Variants in ABCA13 observed in about 807,000 individuals in gnomAD.
The protein encoded by ABCA13 is ATP binding cassette subfamily A member 13.
In ABCA13, 476 loss-of-function variants were observed where a neutral mutation model predicts 478.7. The observed-to-expected ratio is 0.99, with a 90% CI of 0.92 to 1.07. The LOEUF (loss-of-function observed/expected upper bound fraction) is 1.07, where lower values mean the gene tolerates loss of function less well. Among genes scored for constraint, ABCA13 ranks in the 50% least tolerant of loss-of-function variants. The probability of loss-of-function intolerance (pLI) is 0.00; values close to 1 mark genes in which losing one functional copy is unlikely to be tolerated. For missense variants in ABCA13, 6,060 were observed against 5,910.6 expected (o/e 1.03, Z -0.83); for synonymous variants, 2,252 against 2,158.9 (o/e 1.04, Z -1.20).
intron 36 of ABCA13, 55 bp downstream of exon 36, chr7:48,388,014 ATTT>A (rs201346706): frequency 2.5e-5 from 38 of 1,546,710 alleles, no homozygotes; most frequent in Non-Finnish European, 3.1e-5. Flanking sequence ...ATCCATTTTG[ATTT>A]TTTTTTGTTT....
At chr7:48,474,299 A>G (rs1360577991) in intron 45 of ABCA13, among the ~76,000 whole-genome samples, 2 of 152,098 alleles carry the variant, frequency 1.3e-5, no homozygotes, top group African/African-American at 2.4e-5. Flanking sequence ...GAAGGAGGAG[A>G]TGGGAAATGT....
At chr7:48,437,040 T>C (rs754586326) in intron 42 of ABCA13, among the ~76,000 whole-genome samples, 88 of 152,110 alleles carry the variant, frequency 5.8e-4, no homozygotes, top group Admixed American at 1.8e-3. Flanking sequence ...CGTACAATAG[T>C]TCTATAGTGT....
At chr7:48,304,975 C>A (rs1800689935) in intron 23 of ABCA13, among the ~76,000 whole-genome samples, 1 of 152,188 alleles carries the variant, frequency 6.6e-6, no homozygotes, top group Admixed American at 6.5e-5. Flanking sequence ...TAAGTGTAAT[C>A]ATCATCCTTA....
rs1429666982 is a variant in ABCA13, at chr7:48,372,390, A to T, written c.11026A>T (p.Asn3676Tyr). The change falls in exon 33 of 62, where the codon AAT (asparagine) becomes TAT (tyrosine). Residue 3676 changes from asparagine to tyrosine, a missense_variant. Coordinates refer to ENST00000435803, the MANE Select transcript of ABCA13 (RefSeq NM_152701.5). ...CTTGAGTGCATTTTTCAGCCAAGCT[A>T]ATACAGCGGCCCTTTGTACCAGCCT... ...YLLSAFFSQA[N>Y]TAALCTSLVY... 1.2e-6 allele frequency: 2 copies of T among 1,613,828 alleles called. No individual in the cohort carries two copies. The highest frequency in any genetic ancestry group is 4.5e-5 in the East Asian group (2 of 44,892).
chr7:48,251,556 TTGGACAG>T (rs1243622111), intron 15 of ABCA13, among the ~76,000 whole-genome samples: 4 of 152,150 alleles, frequency 2.6e-5, no homozygotes, highest in Admixed American at 1.3e-4. Flanking sequence ...TCTACTTTCT[TTGGACAG>T]ACCCTTGCTG....
At position 48,275,347 on chromosome 7, in the gene ABCA13, T is replaced by G. The variant is rs1360666231; in HGVS notation, c.5681T>G (p.Val1894Gly). 3 of 1,613,840 alleles carry G rather than the reference T, an allele frequency of 1.9e-6. No individual in the cohort carries two copies. Among genetic ancestry groups the G allele is most frequent in the Non-Finnish European group, 2.5e-6 (3 of 1,179,874 alleles). ...GTGGTCTGCATAATTCATGAATTAG[T>G]GGACTGGAATTCTATTCTTCTGGAG... ...RKVVCIIHEL[V>G]DWNSILLELS... The change falls in exon 17 of 62, where the codon GTG becomes GGG. Residue 1894 changes from valine (V) to glycine (G), a missense_variant. Physicochemically the swap from Val to Gly is moderately radical, Grantham distance 109. This residue lies in a region of ABCA13 where 4,423 missense variants were observed against 4,309.1 expected (regional missense o/e 1.03). Coordinates refer to ENST00000435803, the MANE Select transcript of ABCA13 (RefSeq NM_152701.5).
intron 57 of ABCA13, among the ~76,000 whole-genome samples, chr7:48,593,306 A>G (rs1283934732): frequency 6.8e-6 from 1 of 147,864 alleles, no homozygotes; most frequent in Non-Finnish European, 1.5e-5. Flanking sequence ...ATTTGTGGTT[A>G]CCAAGAATCT....
rs748634549 is a variant in ABCA13 at position 48,239,400 on chromosome 7, C to CGGTA, written c.1057_1058insGGTA (p.Gln353ArgfsTer2). On this transcript the variant is annotated stop_gained and frameshift_variant, in exon 9 of 62. Coordinates refer to ENST00000435803, the MANE Select transcript of ABCA13 (RefSeq NM_152701.5). LOFTEE classifies it high-confidence loss of function. ...TGCAGTCAGCTGGCTGCGAGTCTACCAACAGGTGCTGTCCCCTCTCTCTAT... is the reference window on the plus strand; with the variant it reads ...TGCAGTCAGCTGGCTGCGAGTCTACCGGTAAACAGGTGCTGTCCCCTCTCTCTAT... 316 of 1,611,962 alleles carry CGGTA rather than the reference C, an allele frequency of 2.0e-4. No individual in the cohort carries two copies. The highest frequency in any genetic ancestry group is 4.7e-4 in the Admixed American group (28 of 59,932).
Position 48,352,365 on chromosome 7 carries a change from C to A in ABCA13, c.10566C>A (p.Tyr3522Ter). Reference protein sequence around the residue: ...NLPADGFKYNYVFAPLQDMIE... With the variant: ...NLPADGFKYN The stretch of plus-strand genomic sequence containing the variant: ...CAGCTGATGGGTTCAAATATAACTA[C>A]GTCTTTGCCCCACTGCAAGACATGA... The change falls in exon 31 of 62, where the codon TAC (tyrosine) becomes TAA (stop). Residue 3522 changes from tyrosine (Y) to a stop codon, truncating the protein, a stop_gained. Transcript: ENST00000435803. LOFTEE classifies it high-confidence loss of function. The A allele has an allele frequency of 1.9e-6, 3 of 1,613,632 alleles. No homozygotes were observed. Among genetic ancestry groups the A allele is most frequent in the African/African-American group, 2.7e-5 (2 of 74,796 alleles).
Position 48,209,967 on chromosome 7 carries a change from C to A in ABCA13, c.288-9387C>A, listed in dbSNP as rs113017440. On this transcript the variant is annotated intron_variant, in intron 3 of 61. Transcript: ENST00000435803. ...TTCATTGATCTTTTAAAGAAAACTT[C>A]TGCTCTGATCTTTATTATTTCTTCT... Among the ~76,000 whole-genome samples, 25 of 152,242 alleles carry A rather than the reference C, an allele frequency of 1.6e-4. 1 individual carries two copies. The highest frequency in any genetic ancestry group is 5.8e-4 in the African/African-American group (24 of 41,562).
intron 2 of ABCA13, among the ~76,000 whole-genome samples, chr7:48,194,814 A>G (rs2128903574): frequency 1.3e-5 from 2 of 151,930 alleles, no homozygotes; most frequent in Middle Eastern, 3.4e-3. Context: ...TGAGTAAAAT[A>G]TCATTTAAGA....
At chr7:48,258,823 A>T (rs1487203900) in intron 15 of ABCA13, among the ~76,000 whole-genome samples, 1 of 152,064 alleles carries the variant, frequency 6.6e-6, no homozygotes, top group South Asian at 2.1e-4. Context: ...TGTTCTCATT[A>T]GTTTTCTAAG....
chr7:48,423,797 G>A (rs1312457965), intron 41 of ABCA13, among the ~76,000 whole-genome samples: 1 of 152,156 alleles, frequency 6.6e-6, no homozygotes, highest in Non-Finnish European at 1.5e-5. Flanking sequence ...ATTTCATCAT[G>A]TCTTATTTTA....
Position 48,645,810 on chromosome 7 carries a change from T to G in ABCA13, c.*298T>G, listed in dbSNP as rs980463273. ...ATGAATGATTTGACAGTGTCCAAAC[T>G]GAGACATTCTGGAGCTGGAAAGCCT... On this transcript the variant is annotated 3_prime_UTR_variant, in exon 62 of 62. Coordinates refer to ENST00000435803, the MANE Select transcript of ABCA13 (RefSeq NM_152701.5). 4.4e-5 allele frequency: 14 copies of G among 316,406 alleles called. No homozygotes were observed. The highest frequency in any genetic ancestry group is 3.2e-4 in the African/African-American group (14 of 44,400). The allele number at this position is 316,406 out of a possible 1,614,324, so 19.6% of individuals were successfully genotyped here.
At chr7:48,207,368 A>G (rs544319839) in intron 3 of ABCA13, among the ~76,000 whole-genome samples, 2 of 150,818 alleles carry the variant, frequency 1.3e-5, no homozygotes, top group East Asian at 3.9e-4. Flanking sequence ...TTTTTGAGGA[A>G]CCTCCCTTCT....
chr7:48,284,273 A>G (rs972108888), intron 19 of ABCA13, among the ~76,000 whole-genome samples: 3 of 152,178 alleles, frequency 2.0e-5, no homozygotes, highest in Non-Finnish European at 2.9e-5. Flanking sequence ...GAGAAGTGGG[A>G]CAAGCTTGAT....
chr7:48,577,859 G>A (rs1283690720), intron 55 of ABCA13, among the ~76,000 whole-genome samples: 1 of 151,972 alleles, frequency 6.6e-6, no homozygotes, highest in Non-Finnish European at 1.5e-5. Flanking sequence ...AACAATGTAC[G>A]AAAAGAATTA....
In ABCA13 at chr7:48,274,548, A is replaced by G. The variant is rs1475074600; in HGVS notation, c.4882A>G (p.Thr1628Ala). The part of the protein sequence containing the change: ...IIISPEIMKA[T>A]GLGIQLIRDV... ...AATTTCACCTGAAATAATGAAAGCT[A>G]CAGGTCTTGGTATTCAACTGATAAG... is the stretch of plus-strand genomic sequence containing the variant. The change falls in exon 17 of 62, where the codon ACA becomes GCA. Residue 1628 changes from threonine to alanine, a missense_variant. Thr to Ala is a moderately conservative substitution (Grantham distance 58). This residue lies in a region of ABCA13 where 4,423 missense variants were observed against 4,309.1 expected (regional missense o/e 1.03). Coordinates refer to ENST00000435803, the MANE Select transcript of ABCA13 (RefSeq NM_152701.5). 6.2e-7 allele frequency: 1 copy of G among 1,613,896 alleles called. No homozygotes were observed. Among genetic ancestry groups the G allele is most frequent in the South Asian group, 1.1e-5 (1 of 91,076 alleles).
chr7:48,367,254 C>T (rs1811821511), intron 31 of ABCA13, among the ~76,000 whole-genome samples: 1 of 152,082 alleles, frequency 6.6e-6, no homozygotes, highest in African/African-American at 2.4e-5. Context: ...GGATAATTCT[C>T]ATTGGATTTT....
Sources: gnomAD v4.1 joint callset for allele counts (sites outside exome capture counted in the v4.1 genomes callset) on GRCh38, gnomAD v4.1.1 for gene constraint, gnomAD v4.1.1 regional missense constraint, MANE v1.5 for transcripts, NCBI Gene and HGNC (gene_info 2026-07-23, HGNC 2026-07-21) for gene names.